The following KANK1 variants were observed in gnomAD, a reference collection of about 807,000 sequenced individuals.
The protein encoded by KANK1 is KN motif and ankyrin repeat domain-containing protein 1.
In KANK1, 109 loss-of-function variants were observed where a neutral mutation model predicts 106.2. The ratio of observed to expected loss-of-function variants is 1.03; its 90% confidence interval spans 0.88 to 1.20. KANK1 has a LOEUF of 1.20. Ranked by LOEUF, KANK1 falls within the 50% of genes most tolerant of loss-of-function variation. The pLI, the probability that KANK1 is intolerant of heterozygous loss-of-function variation, is 0.00. For synonymous variants in KANK1, 873 were observed against 652.2 expected (o/e 1.34, Z -5.16); for missense variants, 2,399 against 1,710.7 (o/e 1.40, Z -7.10).
intron 3 of KANK1, among the ~76,000 whole-genome samples, chr9:491,741 C>G (rs549136162): frequency 1.2e-4 from 18 of 152,320 alleles, no homozygotes; most frequent in African/African-American, 4.3e-4. Flanking sequence ...CAAATCTCAT[C>G]TTGAATTATA....
At chr9:501,055 G>A (rs1352281894), upstream of KANK1, among the ~76,000 whole-genome samples, 1 of 151,838 alleles carries the variant, frequency 6.6e-6, no homozygotes, top group African/African-American at 2.4e-5. Flanking sequence ...CAGACATCTC[G>A]TGTAGATAAA....
chr9:677,088 C>T (rs1214102380), intron 2 of KANK1, 79 bp downstream of exon 2: 79 of 1,280,294 alleles, frequency 6.2e-5, no homozygotes, highest in South Asian at 3.2e-4. Flanking sequence ...TAATAATGAA[C>T]GGATAATAGC....
chr9:588,414 A>G (rs1824034444), intron 1 of KANK1, among the ~76,000 whole-genome samples: 1 of 152,198 alleles, frequency 6.6e-6, no homozygotes, highest in Non-Finnish European at 1.5e-5. Context: ...CAGAAGTGGC[A>G]TTGCTGAACA....
At chr9:583,855 C>G (rs529429445) in intron 1 of KANK1, among the ~76,000 whole-genome samples, 2 of 151,688 alleles carry the variant, frequency 1.3e-5, no homozygotes, top group Non-Finnish European at 2.9e-5. Flanking sequence ...TAAAAAGGTG[C>G]GAAGTGTTCA....
chr9:553,580 G>C (rs761918984), intron 1 of KANK1, among the ~76,000 whole-genome samples: 1 of 152,132 alleles, frequency 6.6e-6, no homozygotes, highest in African/African-American at 2.4e-5. Flanking sequence ...CAAATGCCAA[G>C]AACCTGTGTA....
upstream of KANK1, among the ~76,000 whole-genome samples, chr9:501,295 G>A (rs1400825882): frequency 2.6e-5 from 4 of 152,120 alleles, no homozygotes; most frequent in East Asian, 7.7e-4. Context: ...ACAACGCACT[G>A]ACTGGTTAAA....
intron 1 of KANK1, among the ~76,000 whole-genome samples, chr9:569,774 A>G (rs1818707356): frequency 6.6e-6 from 1 of 151,694 alleles, no homozygotes; most frequent in Non-Finnish European, 1.5e-5. Flanking sequence ...TTTTTCTATT[A>G]ATGCATTCAT....
intron 1 of KANK1, among the ~76,000 whole-genome samples, chr9:538,526 T>C (rs1252408580): frequency 6.6e-6 from 1 of 152,246 alleles, no homozygotes; most frequent in Non-Finnish European, 1.5e-5. Flanking sequence ...TTTTTAAAAC[T>C]AAATTGACAG....
At chr9:582,759 C>T (rs551499184) in intron 1 of KANK1, among the ~76,000 whole-genome samples, 2 of 152,204 alleles carry the variant, frequency 1.3e-5, no homozygotes, top group Non-Finnish European at 2.9e-5. Context: ...CTGTGAATGC[C>T]TCTTCATCTA....
chr9:496,795 A>G (rs1346496425), intron 3 of KANK1, among the ~76,000 whole-genome samples: 2 of 152,174 alleles, frequency 1.3e-5, no homozygotes, highest in African/African-American at 4.8e-5. Flanking sequence ...GGCCTTCAAT[A>G]AATATTTGGT....
chr9:489,914 C>A (rs547356812), intron 3 of KANK1, among the ~76,000 whole-genome samples: 1 of 152,110 alleles, frequency 6.6e-6, no homozygotes, highest in African/African-American at 2.4e-5. Context: ...AACAATACCT[C>A]TATGTCTGGG....
At chr9:674,205 T>G (rs985101512) in intron 1 of KANK1, 1 of 152,038 alleles carries the variant, frequency 6.6e-6, no homozygotes, top group Non-Finnish European at 1.5e-5. Context: ...GAAAGTCAGG[T>G]GATTACCCCT....
At chr9:559,596 A>G (rs1337786804) in intron 1 of KANK1, among the ~76,000 whole-genome samples, 1 of 152,216 alleles carries the variant, frequency 6.6e-6, no homozygotes, top group South Asian at 2.1e-4. Flanking sequence ...ATGTAAGTGC[A>G]TAATAATTTC....
intron 7 of KANK1, among the ~76,000 whole-genome samples, chr9:737,334 C>G (rs1253776155): frequency 6.6e-6 from 1 of 152,182 alleles, no homozygotes; most frequent in Non-Finnish European, 1.5e-5. Context: ...CCAACTCTAC[C>G]TTTTCTACAG....
At chr9:662,965 A>G (rs1330007125) in intron 1 of KANK1, among the ~76,000 whole-genome samples, 1 of 152,112 alleles carries the variant, frequency 6.6e-6, no homozygotes, top group Non-Finnish European at 1.5e-5. Flanking sequence ...CCAGGCCTAA[A>G]CCCTTATTTA....
intron 1 of KANK1, among the ~76,000 whole-genome samples, chr9:593,029 G>A (rs1825350799): frequency 2.0e-5 from 3 of 151,700 alleles, no homozygotes; most frequent in Non-Finnish European, 4.4e-5. Flanking sequence ...ACTGACTTAG[G>A]GAGTTGTACT....
intron 1 of KANK1, among the ~76,000 whole-genome samples, chr9:604,332 G>A (rs1451095539): frequency 3.3e-5 from 5 of 151,688 alleles, no homozygotes; most frequent in South Asian, 2.1e-4. Context: ...TAATCCCCAC[G>A]TGTTGAGGGA....
At position 745,458 on chromosome 9, in the gene KANK1, A is replaced by G; in HGVS notation, c.*223A>G. The stretch of plus-strand genomic sequence containing the variant: ...TTCTGTGTAGGGCACACTTTAACCC[A>G]GTCTCTGTTGCTGTTGAGTCTCTGC... On this transcript the variant is annotated 3_prime_UTR_variant, in exon 12 of 12. Coordinates refer to ENST00000382297, the MANE Select transcript of KANK1 (RefSeq NM_015158.5). The G allele has an allele frequency of 6.3e-6, 3 of 475,972 alleles. No homozygotes were observed. Among genetic ancestry groups the G allele is most frequent in the South Asian group, 5.4e-5 (2 of 36,930 alleles). The allele number at this position is 475,972 out of a possible 1,614,324, so 29.5% of individuals were successfully genotyped here. A position where few individuals can be genotyped will look rare whatever the true frequency, so the allele number is the denominator to read the frequency against.
chr9:611,939 C>T (rs936475345), intron 1 of KANK1, among the ~76,000 whole-genome samples: 8 of 152,164 alleles, frequency 5.3e-5, no homozygotes, highest in African/African-American at 1.9e-4. Flanking sequence ...AGGATGGTCT[C>T]GATCTCCTGA....
Sources: allele counts gnomAD v4.1 joint callset (sites outside exome capture counted in the v4.1 genomes callset), GRCh38; gene constraint gnomAD v4.1.1; transcripts MANE v1.5; gene names NCBI Gene and HGNC (gene_info 2026-07-23, HGNC 2026-07-21).